The following PLCB1 variants were observed in gnomAD, a reference collection of about 807,000 sequenced individuals.
The protein encoded by PLCB1 is 1-phosphatidylinositol 4,5-bisphosphate phosphodiesterase beta-1.
PLCB1 carries 46 observed loss-of-function variants against 161.8 expected under a neutral mutation model. That is an observed-to-expected ratio of 0.28 (90% CI 0.22 to 0.36). The LOEUF (loss-of-function observed/expected upper bound fraction) is 0.36. Among genes scored for constraint, PLCB1 ranks in the 10% least tolerant of loss-of-function variants. The pLI is 1.00. For missense variants in PLCB1, 1,016 were observed against 1,472.5 expected, an observed-to-expected ratio of 0.69 and a Z score of 5.07; for synonymous variants, 517 against 503.7, an observed-to-expected ratio of 1.03 and a Z score of -0.35.
chr20:8,376,717 A>C (rs1179947960), intron 3 of PLCB1, among the ~76,000 whole-genome samples: 1 of 152,104 alleles, frequency 6.6e-6, no homozygotes, highest in East Asian at 1.9e-4. Context: ...TCACGAGGTC[A>C]GGAGATCGAG....
chr20:8,649,291 A>G, intron 6 of PLCB1, 83 bp from the exon 7 acceptor site: 3 of 798,698 alleles, frequency 3.8e-6, no homozygotes, highest in Non-Finnish European at 6.6e-6. Flanking sequence ...GACTGAATGG[A>G]ATATTTTGAG....
At chr20:8,818,457 A>G (rs1985179360) in intron 31 of PLCB1, among the ~76,000 whole-genome samples, 2 of 152,228 alleles carry the variant, frequency 1.3e-5, no homozygotes, top group African/African-American at 4.8e-5. Flanking sequence ...TAAGACAAGA[A>G]GAATAAATAA....
intron 2 of PLCB1, among the ~76,000 whole-genome samples, chr20:8,187,665 C>G (rs534149951): frequency 1.4e-4 from 21 of 152,212 alleles, no homozygotes; most frequent in Non-Finnish European, 2.4e-4. Flanking sequence ...AATGTGGATG[C>G]TGTTGGAGTG....
intron 8 of PLCB1, among the ~76,000 whole-genome samples, chr20:8,657,691 G>C (rs1989502449): frequency 6.6e-6 from 1 of 151,984 alleles, no homozygotes; most frequent in African/African-American, 2.4e-5. Context: ...AACCCTCTCA[G>C]CTGAAGAATT....
intron 2 of PLCB1, among the ~76,000 whole-genome samples, chr20:8,367,782 A>T (rs1986763117): frequency 6.6e-6 from 1 of 152,198 alleles, no homozygotes; most frequent in Non-Finnish European, 1.5e-5. Flanking sequence ...ACCTAGAAAA[A>T]GTTTTAATGA....
At chr20:8,303,030 G>A (rs1267585154) in intron 2 of PLCB1, among the ~76,000 whole-genome samples, 1 of 152,174 alleles carries the variant, frequency 6.6e-6, no homozygotes, top group Admixed American at 6.5e-5. Flanking sequence ...AAAGCTTTGT[G>A]TACTTCCAGA....
chr20:8,784,751 T>A (rs1400194841), intron 27 of PLCB1, among the ~76,000 whole-genome samples: 1 of 152,182 alleles, frequency 6.6e-6, no homozygotes, highest in Non-Finnish European at 1.5e-5. Flanking sequence ...TGCAAAAGCC[T>A]CAGTTTAAAA....
At chr20:8,863,429 C>G (rs1987322766) in intron 31 of PLCB1, among the ~76,000 whole-genome samples, 1 of 152,232 alleles carries the variant, frequency 6.6e-6, no homozygotes, top group African/African-American at 2.4e-5. Context: ...TCTTCAAGCT[C>G]TAAATCAATA....
intron 14 of PLCB1, among the ~76,000 whole-genome samples, chr20:8,721,873 T>C (rs374660997): frequency 5.9e-5 from 9 of 152,268 alleles, no homozygotes; most frequent in African/African-American, 1.7e-4. Context: ...ACAAGATCAC[T>C]GAGCTATGTG....
intron 3 of PLCB1, among the ~76,000 whole-genome samples, chr20:8,569,127 C>T (rs980008442): frequency 6.6e-6 from 1 of 152,202 alleles, no homozygotes; most frequent in African/African-American, 2.4e-5. Flanking sequence ...TCATCCCATA[C>T]TTGGGCCTAC....
chr20:8,557,152 A>G (rs1221990824), intron 3 of PLCB1, among the ~76,000 whole-genome samples: 4 of 151,772 alleles, frequency 2.6e-5, no homozygotes, highest in Non-Finnish European at 5.9e-5. Flanking sequence ...TTTTTCAAAA[A>G]TAAACATAGA....
At chr20:8,766,192 A>T (rs1001355978) in intron 26 of PLCB1, among the ~76,000 whole-genome samples, 3 of 152,084 alleles carry the variant, frequency 2.0e-5, no homozygotes, top group Non-Finnish European at 4.4e-5. Context: ...AACATGACCT[A>T]CCCAATCATC....
chr20:8,645,299 A>T (rs1405655958), intron 4 of PLCB1, among the ~76,000 whole-genome samples: 2 of 134,216 alleles, frequency 1.5e-5, no homozygotes, highest in Non-Finnish European at 3.1e-5. Flanking sequence ...CCCAAGAATG[A>T]TCAATAAAAA....
chr20:8,535,835 T>C (rs902985984), intron 3 of PLCB1, among the ~76,000 whole-genome samples: 2 of 152,138 alleles, frequency 1.3e-5, no homozygotes. Flanking sequence ...TCAAAGGTAG[T>C]TTTACCATGA....
chr20:8,840,056 G>A (rs909044816), intron 31 of PLCB1, among the ~76,000 whole-genome samples: 6 of 151,564 alleles, frequency 4.0e-5, no homozygotes, highest in African/African-American at 1.2e-4. Context: ...AGCTTGTGTG[G>A]TGGACTCTAA....
At chr20:8,831,912 CTCTTTCTTTCTT>C (rs1188505689) in intron 31 of PLCB1, among the ~76,000 whole-genome samples, 5,144 of 58,166 alleles carry the variant, frequency 0.088, 407 homozygotes, top group African/African-American at 0.097. Context: ...CTCTTTCTTT[CTCTTTCTTTCTT>C]TCTTTCTTTC....
chr20:8,818,960 A>AT (rs200574052), intron 31 of PLCB1, among the ~76,000 whole-genome samples: 1 of 150,742 alleles, frequency 6.6e-6, no homozygotes, highest in African/African-American at 2.5e-5. Context: ...AAAAAAAAAA[A>AT]GTTCTCCCAA....
chr20:8,271,990 C>T (rs985167092), intron 2 of PLCB1, among the ~76,000 whole-genome samples: 15 of 151,990 alleles, frequency 9.9e-5, no homozygotes, highest in African/African-American at 3.4e-4. Context: ...TTGATATGTA[C>T]GTTTGTGTCA....
At chr20:8,159,247 C>T (rs2051595593) in intron 2 of PLCB1, among the ~76,000 whole-genome samples, 1 of 152,200 alleles carries the variant, frequency 6.6e-6, no homozygotes, top group South Asian at 2.1e-4. Flanking sequence ...GACTCAACAC[C>T]ATGTGGAAGC....
Sources: allele counts gnomAD v4.1 joint callset (sites outside exome capture counted in the v4.1 genomes callset), GRCh38; gene constraint gnomAD v4.1.1; transcripts MANE v1.5; gene names NCBI Gene and HGNC (gene_info 2026-07-23, HGNC 2026-07-21).